Variants in COL25A1 observed in about 807,000 individuals in gnomAD.
COL25A1 encodes the protein collagen alpha-1(XXV) chain.
A neutral mutation model predicts 128.4 loss-of-function variants in COL25A1; 103 were observed. The ratio of observed to expected loss-of-function variants is 0.80; its 90% CI spans 0.68 to 0.94. The LOEUF is 0.94. Among genes scored for constraint, COL25A1 ranks in the 40% least tolerant of loss-of-function variants. The pLI, the probability that COL25A1 is intolerant of heterozygous loss-of-function variation, is 0.00. For synonymous variants in COL25A1, 279 were observed against 277.2 expected (o/e 1.01, Z -0.06); for missense variants, 745 against 840.0 (o/e 0.89, Z 1.40).
intron 5 of COL25A1, among the ~76,000 whole-genome samples, chr4:109,043,887 C>T (rs1305487344): frequency 6.6e-6 from 1 of 152,122 alleles, no homozygotes; most frequent in Non-Finnish European, 1.5e-5. Flanking sequence ...ACTGACAAAT[C>T]ATTCTAGCAA....
rs147532614 is a variant in COL25A1 at position 109,126,184 on chromosome 4, A to G, written c.368-76005T>C. On this transcript the variant is annotated intron_variant, in intron 3 of 37. Transcript: ENST00000399132. ...TTTCTAATCCTCACGGTAAAAAAGA[A>G]AAGTAAAGCATGCAAATGAAAAACA... Among the ~76,000 whole-genome samples, 59 of 152,336 alleles carry G rather than the reference A, an allele frequency of 3.9e-4. 1 individual carries two copies. Among genetic ancestry groups the G allele is most frequent in the East Asian group, 2.5e-3 (13 of 5,188 alleles).
chr4:109,075,652 A>G (rs886764517), intron 3 of COL25A1, among the ~76,000 whole-genome samples: 1 of 152,172 alleles, frequency 6.6e-6, no homozygotes, highest in Non-Finnish European at 1.5e-5. Context: ...GTAGCCCCAA[A>G]GGAAAAAAGT....
At chr4:108,929,150 G>C (rs1046868565) in intron 11 of COL25A1, among the ~76,000 whole-genome samples, 1 of 152,040 alleles carries the variant, frequency 6.6e-6, no homozygotes, top group Non-Finnish European at 1.5e-5. Context: ...TTGAGACCAA[G>C]TCTCGCTCTG....
At chr4:109,259,582 T>A (rs150303954) in intron 3 of COL25A1, among the ~76,000 whole-genome samples, 5 of 152,284 alleles carry the variant, frequency 3.3e-5, no homozygotes, top group Non-Finnish European at 7.3e-5. Flanking sequence ...ACACAAGGCA[T>A]TACCCTAGTT....
chr4:108,845,370 A>G (rs1015421421), intron 28 of COL25A1, 119 bp from the exon 29 acceptor site: 6 of 754,604 alleles, frequency 8.0e-6, no homozygotes, highest in Middle Eastern at 2.4e-4. Flanking sequence ...TGCACTTGCT[A>G]CATAAAAGAA....
chr4:109,001,059 C>G (rs1417672201), intron 6 of COL25A1, among the ~76,000 whole-genome samples: 1 of 151,996 alleles, frequency 6.6e-6, no homozygotes, highest in African/African-American at 2.4e-5. Flanking sequence ...GGAGATTAGG[C>G]TAGAAAACAG....
At chr4:109,136,016 A>G (rs1284238005) in intron 3 of COL25A1, among the ~76,000 whole-genome samples, 2 of 152,226 alleles carry the variant, frequency 1.3e-5, no homozygotes, top group Non-Finnish European at 2.9e-5. Context: ...TTCATTCAAC[A>G]AATATTACTA....
At chr4:109,076,044 T>G (rs1386114103) in intron 3 of COL25A1, among the ~76,000 whole-genome samples, 2 of 152,176 alleles carry the variant, frequency 1.3e-5, no homozygotes, top group Non-Finnish European at 2.9e-5. Context: ...TACATAGCAC[T>G]TATGTTGTAT....
At chr4:109,085,451 C>T (rs1320693463) in intron 3 of COL25A1, among the ~76,000 whole-genome samples, 3 of 152,086 alleles carry the variant, frequency 2.0e-5, no homozygotes, top group Admixed American at 6.6e-5. Context: ...CCACTTACTC[C>T]GTCTCAATTT....
rs5860979 is a variant in COL25A1, at chr4:109,284,839, GA to G, written c.367+15743del. The stretch of plus-strand genomic sequence containing the variant: ...ATTTGTCCCCCCATGCCCCACCCAG[GA>G]AAAAAAAAAAAAACCTATACAATAA... On this transcript the variant is annotated intron_variant, in intron 3 of 37. Transcript: ENST00000399132. Among the ~76,000 whole-genome samples, 388 of 124,190 alleles carry G rather than the reference GA, an allele frequency of 3.1e-3. 2 individuals are homozygous for G. The highest frequency in any genetic ancestry group is 5.7e-3 in the East Asian group (24 of 4,244). The allele number at this position is 124,190 out of a possible 152,430, so 81.5% of individuals were successfully genotyped here.
intron 3 of COL25A1, among the ~76,000 whole-genome samples, chr4:109,268,673 T>C (rs1436253898): frequency 1.3e-5 from 2 of 152,190 alleles, no homozygotes; most frequent in East Asian, 1.9e-4. Context: ...CTAATATGTA[T>C]AAACCAGAAG....
At chr4:109,289,748 A>G (rs1276608065) in intron 3 of COL25A1, among the ~76,000 whole-genome samples, 2 of 152,098 alleles carry the variant, frequency 1.3e-5, no homozygotes, top group Non-Finnish European at 2.9e-5. Flanking sequence ...ATTTAGGAAC[A>G]TAGAACATCC....
chr4:109,171,957 C>G (rs1289474275), intron 3 of COL25A1, among the ~76,000 whole-genome samples: 1 of 152,066 alleles, frequency 6.6e-6, no homozygotes, highest in Non-Finnish European at 1.5e-5. Context: ...AGAGATATCC[C>G]AGGGAATAAG....
intron 8 of COL25A1, among the ~76,000 whole-genome samples, chr4:108,970,146 C>T (rs1444733212): frequency 6.6e-6 from 1 of 152,158 alleles, no homozygotes; most frequent in Non-Finnish European, 1.5e-5. Context: ...AGGTGATCTG[C>T]CTACCTCAGC....
intron 5 of COL25A1, among the ~76,000 whole-genome samples, chr4:109,020,499 A>G (rs1757622514): frequency 3.4e-5 from 1 of 29,318 alleles, no homozygotes; most frequent in African/African-American, 1.2e-4. Context: ...GAGCATGGAG[A>G]TTATTATGGG....
chr4:109,148,316 A>G (rs1452874808), intron 3 of COL25A1, among the ~76,000 whole-genome samples: 2 of 152,208 alleles, frequency 1.3e-5, no homozygotes, highest in African/African-American at 4.8e-5. Flanking sequence ...TATTTTAAAA[A>G]TAGGAACAGA....
At chr4:109,143,285 G>A (rs1461285593) in intron 3 of COL25A1, among the ~76,000 whole-genome samples, 1 of 152,210 alleles carries the variant, frequency 6.6e-6, no homozygotes, top group Non-Finnish European at 1.5e-5. Context: ...CTGTTAGTCT[G>A]ATGGGCTTCC....
intron 20 of COL25A1, 73 bp from the exon 21 acceptor site, chr4:108,863,460 G>T: frequency 7.8e-7 from 1 of 1,280,002 alleles, no homozygotes; most frequent in Non-Finnish European, 1.1e-6. Flanking sequence ...TAATAAATGA[G>T]TTGAAGGAAA....
chr4:109,215,915 C>T (rs1182663903), intron 3 of COL25A1, among the ~76,000 whole-genome samples: 1 of 152,096 alleles, frequency 6.6e-6, no homozygotes, highest in Non-Finnish European at 1.5e-5. Flanking sequence ...TATAGAAAGA[C>T]CTTTTTAATA....
Sources: gnomAD v4.1 joint callset for allele counts (sites outside exome capture counted in the v4.1 genomes callset) on GRCh38, gnomAD v4.1.1 for gene constraint, MANE v1.5 for transcripts, NCBI Gene and HGNC (gene_info 2026-07-23, HGNC 2026-07-21) for gene names.